The following RAD50 variants were observed in gnomAD, a reference collection of about 807,000 sequenced individuals.
RAD50 encodes DNA repair protein RAD50.
In RAD50, 132 loss-of-function variants were observed where a neutral mutation model predicts 168.8. That is an observed-to-expected ratio of 0.78 (90% CI 0.68 to 0.90). The LOEUF is 0.90. RAD50 is among the 40% of genes least tolerant of loss of function. RAD50 has a pLI of 0.00. For missense variants in RAD50, 1,347 were observed against 1,534.4 expected, an observed-to-expected ratio of 0.88 and a Z score of 2.04; for synonymous variants, 525 against 497.4, an observed-to-expected ratio of 1.06 and a Z score of -0.74.
At chr5:132,608,977 C>G (rs1651325450) in intron 17 of RAD50, 140 bp from the exon 18 acceptor site, 9 of 1,313,806 alleles carry the variant, frequency 6.9e-6, no homozygotes, top group Non-Finnish European at 8.2e-6. Context: ...GAGAAAGGGA[C>G]TTGTCTGCGA....
In RAD50 at chr5:132,575,867, T is replaced by C. The variant is rs876658824; in HGVS notation, c.304T>C (p.Cys102Arg). The C allele has an allele frequency of 6.2e-7, 1 of 1,609,196 alleles. No homozygotes were observed. Among genetic ancestry groups the C allele is most frequent in the Non-Finnish European group, 8.5e-7 (1 of 1,175,560 alleles). The change falls in exon 3 of 25, where the codon TGT becomes CGT. Residue 102 changes from cysteine (C) to arginine (R), a missense_variant. This residue lies in a region of RAD50 where 703 missense variants were observed against 767.7 expected (regional missense o/e 0.92). Coordinates refer to ENST00000378823, the MANE Select transcript of RAD50 (RefSeq NM_005732.4). The stretch of plus-strand genomic sequence containing the variant: ...TATAGCTGTGCAAAGATCTATGGTG[T>C]GTACTCAGAAAAGCAAAAAGACAGA... ...ELIAVQRSMV[C>R]TQKSKKTEFK...
chr5:132,641,933 C>T (rs1751730877), intron 24 of RAD50: 2 of 517,840 alleles, frequency 3.9e-6, no homozygotes, highest in East Asian at 6.4e-5. Context: ...TCTTGTATTC[C>T]TGTGAGTCCC....
At chr5:132,637,881 C>T (rs1265245882) in intron 22 of RAD50, among the ~76,000 whole-genome samples, 200 bp from the exon 23 acceptor site, 1 of 152,138 alleles carries the variant, frequency 6.6e-6, no homozygotes, top group Admixed American at 6.5e-5. Context: ...GGCTGAGGAA[C>T]TGGGGCATCT....
At position 132,618,087 on chromosome 5, in the gene RAD50, A is replaced by G. The variant is rs876659658; in HGVS notation, c.3182A>G (p.Glu1061Gly). 3 of 1,613,414 alleles carry G rather than the reference A, an allele frequency of 1.9e-6. No individual in the cohort carries two copies. Among genetic ancestry groups the G allele is most frequent in the Non-Finnish European group, 8.5e-7 (1 of 1,179,584 alleles). The change falls in exon 21 of 25, where the codon GAA (glutamate) becomes GGA (glycine). Residue 1061 changes from glutamate to glycine, a missense_variant. Transcript: ENST00000378823. ...LQMKSEHQKLEENIDNIKRNH... is the reference protein window; with the variant it reads ...LQMKSEHQKLGENIDNIKRNH... ...TTTTACAGTGAACATCAGAAGTTGG[A>G]AGAGAACATAGACAATATAAAAAGA... is the stretch of plus-strand genomic sequence containing the variant.
rs777678214 is a variant in RAD50, at chr5:132,595,686, C to T, written c.2083C>T (p.Gln695Ter). 2 of 1,613,694 alleles carry T rather than the reference C, an allele frequency of 1.2e-6. No homozygotes were observed. Among genetic ancestry groups the T allele is most frequent in the Non-Finnish European group, 1.7e-6 (2 of 1,179,784 alleles). The change falls in exon 13 of 25, where the codon CAA (glutamine) becomes TAA (stop). Residue 695 changes from glutamine (Q) to a stop codon, truncating the protein, a stop_gained. Coordinates refer to ENST00000378823, the MANE Select transcript of RAD50 (RefSeq NM_005732.4). LOFTEE classifies it high-confidence loss of function. ...QRVFQTEAELQEVISDLQSKL... is the reference protein window; with the variant it reads ...QRVFQTEAEL ...AGTTTTTCAGACAGAGGCTGAGTTA[C>T]AAGAAGTCATCAGTGATTTGCAGTC...
intron 13 of RAD50, among the ~76,000 whole-genome samples, chr5:132,601,761 T>C (rs1750891757): frequency 6.6e-6 from 1 of 151,774 alleles, no homozygotes; most frequent in Non-Finnish European, 1.5e-5. Flanking sequence ...ATAAAGAAAA[T>C]GTGGCACATA....
In RAD50 at chr5:132,591,214, T is replaced by G. The variant is rs778660057; in HGVS notation, c.1453-10T>G. On this transcript the variant is annotated splice_polypyrimidine_tract_variant and intron_variant, in intron 9 of 24. Coordinates refer to ENST00000378823, the MANE Select transcript of RAD50 (RefSeq NM_005732.4). ...ATAACACCTTTGCATTTGTATGAAT[T>G]ATTGACTAGGAACGTGAGTTAAGCA... The G allele has an allele frequency of 6.3e-7, 1 of 1,599,272 alleles. No individual in the cohort carries two copies.
chr5:132,623,316 T>TA (rs557110222), intron 21 of RAD50, among the ~76,000 whole-genome samples: 102 of 151,870 alleles, frequency 6.7e-4, no homozygotes, highest in Non-Finnish European at 8.8e-4. Context: ...CCGTCTGTAC[T>TA]AAAAAAAATA....
At chr5:132,639,246 G>T (rs377142195) in intron 23 of RAD50, among the ~76,000 whole-genome samples, 1 of 151,818 alleles carries the variant, frequency 6.6e-6, no homozygotes, top group African/African-American at 2.4e-5. Context: ...CCAGCTACTC[G>T]GGAGGCTGAG....
At chr5:132,561,894 C>T (rs1002463302) in intron 2 of RAD50, among the ~76,000 whole-genome samples, 4 of 152,146 alleles carry the variant, frequency 2.6e-5, no homozygotes, top group African/African-American at 7.2e-5. Flanking sequence ...TTCCATCGGC[C>T]ACTGTGTTCC....
intron 12 of RAD50, 27 bp from the exon 13 acceptor site, chr5:132,595,546 G>A (rs756211224): frequency 3.6e-5 from 53 of 1,459,566 alleles, no homozygotes; most frequent in Non-Finnish European, 3.5e-5. Context: ...TTTCTCATTG[G>A]TGATATAATT....
Position 132,618,312 on chromosome 5 carries a change from G to T in RAD50, c.3389+18G>T, listed in dbSNP as rs763591953. On this transcript the variant is annotated intron_variant, in intron 21 of 24. Coordinates refer to ENST00000378823, the MANE Select transcript of RAD50 (RefSeq NM_005732.4). ...CTTGACCAGTAAGTATTAGACTGGG[G>T]ATTTTCTTATTGCAGTTAATATTAA... is the stretch of plus-strand genomic sequence containing the variant. The T allele has an allele frequency of 6.2e-7, 1 of 1,613,306 alleles. No homozygotes were observed. The highest frequency in any genetic ancestry group is 2.2e-5 in the East Asian group (1 of 44,810).
intron 21 of RAD50, among the ~76,000 whole-genome samples, chr5:132,628,013 A>G (rs533365098): frequency 6.6e-6 from 1 of 152,284 alleles, no homozygotes; most frequent in South Asian, 2.1e-4. Context: ...GCTCCTACAT[A>G]TTTTTGCTTG....
intron 5 of RAD50, among the ~76,000 whole-genome samples, chr5:132,585,009 T>C (rs1750570924): frequency 6.6e-6 from 1 of 150,550 alleles, no homozygotes; most frequent in Non-Finnish European, 1.5e-5. Context: ...AATGACGAGT[T>C]AATGGGTGCA....
chr5:132,593,196 C>G (rs1238207276), intron 11 of RAD50: 3 of 190,996 alleles, frequency 1.6e-5, no homozygotes, highest in Non-Finnish European at 3.4e-5. Flanking sequence ...ATGATTTCAC[C>G]ATTCTTCCAC....
chr5:132,617,787 C>T (rs73259702), intron 20 of RAD50, among the ~76,000 whole-genome samples: 280 of 152,204 alleles, frequency 1.8e-3, no homozygotes, highest in African/African-American at 6.5e-3. Flanking sequence ...CTTTACTTAG[C>T]GTCTAAAGGC....
At chr5:132,589,861 A>G (rs1168686995) in intron 9 of RAD50, 24 bp downstream of exon 9, 4 of 1,564,142 alleles carry the variant, frequency 2.6e-6, no homozygotes, top group Non-Finnish European at 2.6e-6. Flanking sequence ...TGAATAATCT[A>G]ATAATTTTAA....
chr5:132,631,705 A>G (rs958242939), intron 21 of RAD50, among the ~76,000 whole-genome samples: 6 of 152,056 alleles, frequency 3.9e-5, no homozygotes, highest in African/African-American at 1.4e-4. Flanking sequence ...ATGTCACTCA[A>G]TAGCTCCTAT....
intron 2 of RAD50, among the ~76,000 whole-genome samples, chr5:132,563,743 A>C (rs1333451058): frequency 6.6e-6 from 1 of 152,090 alleles, no homozygotes; most frequent in African/African-American, 2.4e-5. Flanking sequence ...ATATGGTTTG[A>C]ATTTGTATCT....
Sources: allele counts gnomAD v4.1 joint callset (sites outside exome capture counted in the v4.1 genomes callset), GRCh38; gene constraint gnomAD v4.1.1; regional missense constraint gnomAD v4.1.1; transcripts MANE v1.5; gene names NCBI Gene and HGNC (gene_info 2026-07-23, HGNC 2026-07-21).